RANBP2: variants seen among roughly 807,000 people sequenced by gnomAD.
RANBP2 encodes the protein RAN binding protein 2, also known as E3 SUMO-protein ligase RanBP2.
In RANBP2, 57 loss-of-function variants were observed where a neutral mutation model predicts 303.6. The observed-to-expected ratio is 0.19, with a 90% confidence interval of 0.15 to 0.23. The LOEUF (loss-of-function observed/expected upper bound fraction) is 0.23, where lower values mean the gene tolerates loss of function less well. RANBP2 is among the 10% of genes least tolerant of loss of function. The pLI is 1.00. For missense variants in RANBP2, 3,138 were observed against 3,780.8 expected (o/e 0.83, Z 4.46); for synonymous variants, 1,167 against 1,301.5 (o/e 0.90, Z 2.23).
At chr2:109,215,524 C>T in the RANBP2 span, among the ~76,000 whole-genome samples, 2 of 152,176 alleles carry the variant, frequency 1.3e-5, no homozygotes, top group East Asian at 3.9e-4. Context: ...TCGGAGTGCA[C>T]TCCTGCTTCT....
the RANBP2 span, among the ~76,000 whole-genome samples, chr2:109,444,383 C>T: frequency 6.6e-6 from 1 of 152,200 alleles, no homozygotes; most frequent in African/African-American, 2.4e-5. Flanking sequence ...GAAGCACTGG[C>T]CTACTGGCTG....
chr2:108,815,934 C>T, the RANBP2 span: 65 of 1,592,084 alleles, frequency 4.1e-5, no homozygotes, highest in Non-Finnish European at 5.5e-5. Flanking sequence ...TAATTTTTGA[C>T]ATATAGGTAC....
chr2:108,928,635 T>C, the RANBP2 span, among the ~76,000 whole-genome samples: 1 of 152,186 alleles, frequency 6.6e-6, no homozygotes, highest in Non-Finnish European at 1.5e-5. Context: ...TTCTGGGGAT[T>C]GAGAGTCTGT....
chr2:109,561,560 T>C, the RANBP2 span, among the ~76,000 whole-genome samples: 32 of 152,346 alleles, frequency 2.1e-4, no homozygotes, highest in South Asian at 6.2e-3. Context: ...CAAATTACTA[T>C]GGCAGCCCTA....
At chr2:109,014,213 C>A in the RANBP2 span, among the ~76,000 whole-genome samples, 2 of 152,188 alleles carry the variant, frequency 1.3e-5, no homozygotes, top group Non-Finnish European at 2.9e-5. Flanking sequence ...GCAGGGCTGC[C>A]CAACAGCCAT....
At chr2:109,134,775 C>A in the RANBP2 span, among the ~76,000 whole-genome samples, 1 of 152,194 alleles carries the variant, frequency 6.6e-6, no homozygotes, top group Non-Finnish European at 1.5e-5. Flanking sequence ...GCAGTGGCCA[C>A]CCCTTCCATT....
chr2:109,415,634 A>G, the RANBP2 span, among the ~76,000 whole-genome samples: 41 of 152,154 alleles, frequency 2.7e-4, no homozygotes, highest in African/African-American at 9.4e-4. Context: ...CCTGTCCTCC[A>G]GGGACGCCGT....
the RANBP2 span, among the ~76,000 whole-genome samples, chr2:108,997,198 T>C: frequency 6.6e-6 from 1 of 151,472 alleles, no homozygotes; most frequent in Non-Finnish European, 1.5e-5. Flanking sequence ...TCCCAGCACT[T>C]TGGGAGGCTG....
the RANBP2 span, among the ~76,000 whole-genome samples, chr2:109,372,810 G>A: frequency 1.3e-5 from 2 of 152,172 alleles, no homozygotes; most frequent in Non-Finnish European, 2.9e-5. Flanking sequence ...ACACACTTAA[G>A]GGCTTCAGAG....
At chr2:109,103,798 CTTT>C in the RANBP2 span, among the ~76,000 whole-genome samples, 1 of 144,442 alleles carries the variant, frequency 6.9e-6, no homozygotes. Context: ...TTTTTCTTTT[CTTT>C]TTTTTTTTTT....
the RANBP2 span, among the ~76,000 whole-genome samples, chr2:109,113,864 A>C: frequency 2.0e-5 from 3 of 152,236 alleles, no homozygotes; most frequent in South Asian, 6.2e-4. Context: ...AATTTTGTCA[A>C]AGACCTCTTC....
chr2:109,637,544 G>A, the RANBP2 span, among the ~76,000 whole-genome samples: 2 of 152,182 alleles, frequency 1.3e-5, no homozygotes, highest in Non-Finnish European at 2.9e-5. Flanking sequence ...GCTTTCTGCA[G>A]TGCATTGCGC....
the RANBP2 span, among the ~76,000 whole-genome samples, chr2:109,221,664 C>T: frequency 0.011 from 1,584 of 150,842 alleles, 30 homozygotes; most frequent in African/African-American, 0.036. Context: ...TTGGCCATTT[C>T]TGTGTCTTTT....
the RANBP2 span, among the ~76,000 whole-genome samples, chr2:109,534,713 G>A: frequency 4.0e-5 from 6 of 151,852 alleles, no homozygotes; most frequent in Admixed American, 6.5e-5. Context: ...CTGGGAGGCG[G>A]AGGTTGCAGT....
intron 5 of RANBP2, 31 bp from the exon 6 acceptor site, chr2:108,736,073 T>G (rs768853444): frequency 1.5e-5 from 24 of 1,611,662 alleles, no homozygotes; most frequent in Non-Finnish European, 1.9e-5. Context: ...TTGATTAAGT[T>G]TTGTAACTTA....
chr2:109,716,502 G>A, the RANBP2 span, among the ~76,000 whole-genome samples: 125 of 151,924 alleles, frequency 8.2e-4, no homozygotes, highest in African/African-American at 2.8e-3. Context: ...CACCCGCCTC[G>A]GCCTCCCAAA....
At chr2:108,739,112 A>G (rs1695858595) in intron 6 of RANBP2, among the ~76,000 whole-genome samples, 1 of 151,460 alleles carries the variant, frequency 6.6e-6, no homozygotes, top group African/African-American at 2.4e-5. Flanking sequence ...CCTCTAGAAA[A>G]CTCAGCTCAG....
chr2:108,796,581 G>A, the RANBP2 span, among the ~76,000 whole-genome samples: 3 of 152,170 alleles, frequency 2.0e-5, no homozygotes. Context: ...GTCAGTCTCA[G>A]TGTCCATTGG....
At chr2:109,126,753 T>G in the RANBP2 span, among the ~76,000 whole-genome samples, 5 of 152,350 alleles carry the variant, frequency 3.3e-5, no homozygotes, top group South Asian at 1.0e-3. Context: ...TGGGATCCTA[T>G]GAGATGCCTC....
Sources: allele counts gnomAD v4.1 joint callset (sites outside exome capture counted in the v4.1 genomes callset), GRCh38; gene constraint gnomAD v4.1.1; transcripts MANE v1.5; gene names NCBI Gene and HGNC (gene_info 2026-07-23, HGNC 2026-07-21).